Variants in LINGO2 observed in about 807,000 individuals in gnomAD.
The protein encoded by LINGO2 is leucine-rich repeat and immunoglobulin-like domain-containing nogo receptor-interacting protein 2.
A neutral mutation model predicts 30.6 loss-of-function variants in LINGO2; 14 were observed. The observed-to-expected ratio is 0.46, with a 90% CI of 0.30 to 0.72. The LOEUF is 0.72. Ranked by LOEUF, LINGO2 falls within the 30% of genes least tolerant of loss-of-function variation. LINGO2 has a pLI of 0.07. For synonymous variants in LINGO2, 317 were observed against 288.5 expected (o/e 1.10, Z -1.00); for missense variants, 729 against 751.7 (o/e 0.97, Z 0.35).
intron 4 of LINGO2, among the ~76,000 whole-genome samples, chr9:28,211,144 T>C (rs1031403031): frequency 6.6e-6 from 1 of 151,620 alleles, no homozygotes; most frequent in Non-Finnish European, 1.5e-5. Context: ...GGCTAAATAA[T>C]ATTTATTCAG....
the LINGO2 span, among the ~76,000 whole-genome samples, chr9:28,855,201 T>C: frequency 6.6e-6 from 1 of 151,948 alleles, no homozygotes; most frequent in South Asian, 2.1e-4. Flanking sequence ...TGCAGACTAT[T>C]TGCGATCCTC....
intron 1 of LINGO2, among the ~76,000 whole-genome samples, chr9:28,631,909 T>C (rs1435944546): frequency 1.3e-5 from 2 of 152,216 alleles, no homozygotes; most frequent in African/African-American, 2.4e-5. Context: ...TAAGCTACTA[T>C]GAACCAGGCA....
the LINGO2 span, among the ~76,000 whole-genome samples, chr9:29,081,341 T>C: frequency 9.9e-5 from 15 of 152,070 alleles, no homozygotes; most frequent in Admixed American, 2.0e-4. Context: ...CATATGATTA[T>C]CTCCATAGAT....
At chr9:28,841,149 T>G in the LINGO2 span, among the ~76,000 whole-genome samples, 1 of 151,842 alleles carries the variant, frequency 6.6e-6, no homozygotes, top group Non-Finnish European at 1.5e-5. Context: ...TATGGAATGT[T>G]TAATTAGTGT....
chr9:27,938,294 AC>A, the LINGO2 span: 1 of 152,014 alleles, frequency 6.6e-6, no homozygotes, highest in Admixed American at 6.6e-5. Flanking sequence ...ATTCTGGCAA[AC>A]CTGGGGCTCC....
At chr9:29,195,729 A>C in the LINGO2 span, among the ~76,000 whole-genome samples, 1 of 152,290 alleles carries the variant, frequency 6.6e-6, no homozygotes, top group East Asian at 1.9e-4. Context: ...AAAGCAGCTA[A>C]ATTTAATCTG....
At chr9:28,484,659 C>T (rs903376942) in intron 1 of LINGO2, among the ~76,000 whole-genome samples, 1 of 152,078 alleles carries the variant, frequency 6.6e-6, no homozygotes, top group Non-Finnish European at 1.5e-5. Flanking sequence ...TCTGGAGCTA[C>T]TAGCAGACAT....
chr9:29,171,252 T>G, the LINGO2 span, among the ~76,000 whole-genome samples: 1 of 152,108 alleles, frequency 6.6e-6, no homozygotes, highest in African/African-American at 2.4e-5. Flanking sequence ...TTCATACTTG[T>G]AAGGACCACA....
intron 4 of LINGO2, among the ~76,000 whole-genome samples, chr9:28,199,955 T>G (rs1820168751): frequency 6.6e-6 from 1 of 150,708 alleles, no homozygotes; most frequent in Non-Finnish European, 1.5e-5. Context: ...TATTTTCTGT[T>G]AGCTGAAATT....
chr9:28,647,776 G>T (rs908110821), intron 1 of LINGO2, among the ~76,000 whole-genome samples: 4 of 151,712 alleles, frequency 2.6e-5, no homozygotes, highest in African/African-American at 4.8e-5. Flanking sequence ...CTTCCAAAGA[G>T]TTTGGGATTA....
intron 1 of LINGO2, among the ~76,000 whole-genome samples, chr9:28,517,009 T>G (rs576539938): frequency 6.6e-6 from 1 of 152,320 alleles, no homozygotes; most frequent in East Asian, 1.9e-4. Flanking sequence ...TACATACAAC[T>G]TGGTTTTCAA....
the LINGO2 span, among the ~76,000 whole-genome samples, chr9:29,021,507 A>C: frequency 6.6e-6 from 1 of 151,908 alleles, no homozygotes; most frequent in African/African-American, 2.4e-5. Context: ...AATACAAAAA[A>C]ATGGCCAGAC....
chr9:27,949,885 T>C (rs1235162641), exon 6 of LINGO2: 3 of 1,613,762 alleles, frequency 1.9e-6, no homozygotes, highest in African/African-American at 1.3e-5. Flanking sequence ...AAGGGTACAG[T>C]AGACAGATTG....
At chr9:28,985,483 C>G in the LINGO2 span, among the ~76,000 whole-genome samples, 3 of 152,220 alleles carry the variant, frequency 2.0e-5, no homozygotes, top group African/African-American at 4.8e-5. Flanking sequence ...TTCCCACCAA[C>G]AGGGTACAAA....
At chr9:29,111,013 G>A in the LINGO2 span, among the ~76,000 whole-genome samples, 37 of 151,980 alleles carry the variant, frequency 2.4e-4, no homozygotes, top group Non-Finnish European at 2.6e-4. Flanking sequence ...TAAAAAATAA[G>A]TTACTAAGCA....
At chr9:29,198,826 A>T in the LINGO2 span, among the ~76,000 whole-genome samples, 1 of 152,112 alleles carries the variant, frequency 6.6e-6, no homozygotes, top group Non-Finnish European at 1.5e-5. Flanking sequence ...TAATCCCAAC[A>T]TAGGGGATGA....
chr9:28,867,106 G>A, the LINGO2 span, among the ~76,000 whole-genome samples: 1 of 152,134 alleles, frequency 6.6e-6, no homozygotes, highest in Non-Finnish European at 1.5e-5. Context: ...AGAACTGACA[G>A]AGGAATCTGC....
chr9:28,600,846 T>C (rs1161203236), intron 1 of LINGO2, among the ~76,000 whole-genome samples: 1 of 152,100 alleles, frequency 6.6e-6, no homozygotes, highest in Admixed American at 6.6e-5. Flanking sequence ...ACCATGAATT[T>C]ACACTCTGTA....
chr9:28,373,479 G>T (rs369455236), intron 2 of LINGO2, among the ~76,000 whole-genome samples: 3 of 152,072 alleles, frequency 2.0e-5, no homozygotes, highest in East Asian at 3.9e-4. Flanking sequence ...AGCCACTTTT[G>T]TCAGGGAAAT....
Sources: allele counts gnomAD v4.1 joint callset (sites outside exome capture counted in the v4.1 genomes callset), GRCh38; gene constraint gnomAD v4.1.1; transcripts MANE v1.5; gene names NCBI Gene and HGNC (gene_info 2026-07-23, HGNC 2026-07-21).